Variants in TFB1M observed in about 807,000 individuals in gnomAD.
The protein encoded by TFB1M is dimethyladenosine transferase 1, mitochondrial.
TFB1M carries 27 observed loss-of-function variants against 31.1 expected under a neutral mutation model. That is an observed-to-expected ratio of 0.87 (90% CI 0.64 to 1.20). The LOEUF is 1.20. TFB1M is among the 50% of genes most tolerant of loss of function. The pLI is 0.00. For synonymous variants in TFB1M, 166 were observed against 151.8 expected, an observed-to-expected ratio of 1.09 and a Z score of -0.69; for missense variants, 394 against 418.7, an observed-to-expected ratio of 0.94 and a Z score of 0.51.
chr6:155,301,488 A>G (rs1777427893), intron 2 of TFB1M, among the ~76,000 whole-genome samples: 1 of 152,226 alleles, frequency 6.6e-6, no homozygotes, highest in Non-Finnish European at 1.5e-5. Flanking sequence ...AATCACTATT[A>G]TATGCATTCG....
intron 4 of TFB1M, among the ~76,000 whole-genome samples, chr6:155,286,984 A>C (rs1051360676): frequency 1.3e-5 from 2 of 151,904 alleles, no homozygotes; most frequent in Admixed American, 1.3e-4. Flanking sequence ...AATAGCTAAT[A>C]GAATATATAA....
In TFB1M at chr6:155,311,249, T is replaced by C; in HGVS notation, c.224A>G (p.Asn75Ser). 6.2e-7 allele frequency: 1 copy of C among 1,614,150 alleles called. No homozygotes were observed. The highest frequency in any genetic ancestry group is 8.5e-7 in the Non-Finnish European group (1 of 1,179,976). The change falls in exon 2 of 7, where the codon AAT becomes AGT. Residue 75 changes from asparagine (N) to serine (S), a missense_variant. Coordinates refer to ENST00000367166, the MANE Select transcript of TFB1M (RefSeq NM_016020.4). ...CACCAGAAGTTCAGCGACGTCGGCA[T>C]TAAGAATAGATCTTGTGATTCCCCC... ...GPGGITRSIL[N>S]ADVAELLVVE...
At chr6:155,305,460 T>C (rs1479840708) in intron 2 of TFB1M, among the ~76,000 whole-genome samples, 1 of 27,802 alleles carries the variant, frequency 3.6e-5, no homozygotes, top group Non-Finnish European at 5.2e-5. Context: ...TATATATTTA[T>C]ATATATAAAT....
At chr6:155,258,511 G>A (rs879222815) in intron 6 of TFB1M, among the ~76,000 whole-genome samples, 13 of 150,618 alleles carry the variant, frequency 8.6e-5, no homozygotes, top group Admixed American at 6.0e-4. Context: ...AACTCTTCAC[G>A]CTAAAAGAGT....
chr6:155,279,514 G>T (rs566330356), intron 5 of TFB1M, among the ~76,000 whole-genome samples: 4 of 152,288 alleles, frequency 2.6e-5, no homozygotes, highest in African/African-American at 9.6e-5. Context: ...GGTGCAGGGA[G>T]GGCAGGCCCA....
chr6:155,264,709 A>T (rs1784541173), intron 5 of TFB1M, among the ~76,000 whole-genome samples: 1 of 152,190 alleles, frequency 6.6e-6, no homozygotes, highest in African/African-American at 2.4e-5. Context: ...CTCAGAGCAG[A>T]TGTGGTAGGA....
In TFB1M at chr6:155,278,033, A is replaced by C. The variant is rs1785301554; in HGVS notation, c.666+7125T>G. On this transcript the variant is annotated intron_variant, in intron 5 of 6. Coordinates refer to ENST00000367166, the MANE Select transcript of TFB1M (RefSeq NM_016020.4). ...TCCTAAGTAGAAACACGAATGTTTC[A>C]AACTCTCAGAAAACCAGCCATTTTA... Among the ~76,000 whole-genome samples, 3 of 152,342 alleles carry C rather than the reference A, an allele frequency of 2.0e-5. No individual in the cohort carries two copies. In the South Asian group the frequency reaches 6.2e-4, roughly 32 times the overall value.
intron 2 of TFB1M, among the ~76,000 whole-genome samples, chr6:155,302,256 C>T (rs1045374798): frequency 1.3e-5 from 2 of 152,298 alleles, no homozygotes; most frequent in African/African-American, 2.4e-5. Context: ...TAATTATCTT[C>T]TTCCTGATTT....
In TFB1M at chr6:155,310,208, A is replaced by G. The variant is rs150916264; in HGVS notation, c.285+980T>C. 4.4e-3 allele frequency among the ~76,000 whole-genome samples: 671 copies of G among 152,330 alleles called. 3 individuals carry two copies. Among genetic ancestry groups the G allele is most frequent in the African/African-American group, 0.015 (638 of 41,592 alleles). ...TTTGTATGGAAGTAATAACGTAGAT[A>G]ACTACATTATTCTATTATAGTCACA... On this transcript the variant is annotated intron_variant, in intron 2 of 6. Transcript: ENST00000367166.
downstream of TFB1M, chr6:155,252,856 C>T: frequency 8.4e-7 from 1 of 1,195,652 alleles, no homozygotes; most frequent in Non-Finnish European, 1.2e-6. Context: ...GACTCGCCCA[C>T]AGGGAGAACA....
intron 5 of TFB1M, among the ~76,000 whole-genome samples, chr6:155,266,035 A>G (rs1784619150): frequency 6.6e-6 from 1 of 151,956 alleles, no homozygotes; most frequent in African/African-American, 2.4e-5. Flanking sequence ...AGCTGATTAG[A>G]TGGTGCCCAC....
intron 2 of TFB1M, among the ~76,000 whole-genome samples, chr6:155,301,335 T>C (rs912419125): frequency 1.3e-5 from 2 of 152,224 alleles, no homozygotes; most frequent in African/African-American, 2.4e-5. Flanking sequence ...ACAGACTAAA[T>C]TGATATTATG....
intron 2 of TFB1M, among the ~76,000 whole-genome samples, chr6:155,303,995 G>C (rs1479830570): frequency 6.6e-6 from 1 of 152,162 alleles, no homozygotes; most frequent in Non-Finnish European, 1.5e-5. Flanking sequence ...TGCCAATGAA[G>C]TATGGAAATA....
chr6:155,297,834 T>C (rs952384177), intron 3 of TFB1M, among the ~76,000 whole-genome samples: 9 of 152,188 alleles, frequency 5.9e-5, no homozygotes, highest in Admixed American at 4.6e-4. Context: ...ACCTGAAGAC[T>C]GCATGCTAAG....
At chr6:155,242,136 C>G in the TFB1M span, among the ~76,000 whole-genome samples, 2 of 152,190 alleles carry the variant, frequency 1.3e-5, no homozygotes, top group African/African-American at 4.8e-5. Flanking sequence ...TAGGGCCCCC[C>G]TGGGTTGCAG....
downstream of TFB1M, chr6:155,254,782 T>C (rs1487103845): frequency 8.9e-6 from 5 of 560,282 alleles, no homozygotes; most frequent in Non-Finnish European, 1.6e-5. Context: ...CTTGTCTTCC[T>C]ACCCGCTGAC....
the TFB1M span, among the ~76,000 whole-genome samples, chr6:155,249,402 T>G: frequency 2.0e-5 from 3 of 152,206 alleles, no homozygotes; most frequent in Non-Finnish European, 4.4e-5. Context: ...CCAGTCAGGC[T>G]TGGGTTTGAA....
chr6:155,282,336 T>C (rs1239057529), intron 5 of TFB1M, among the ~76,000 whole-genome samples: 1 of 152,194 alleles, frequency 6.6e-6, no homozygotes, highest in African/African-American at 2.4e-5. Context: ...TCAATGGTAG[T>C]GAAAGTTCTG....
At chr6:155,300,940 G>A (rs1777400626) in intron 2 of TFB1M, among the ~76,000 whole-genome samples, 1 of 152,026 alleles carries the variant, frequency 6.6e-6, no homozygotes, top group Non-Finnish European at 1.5e-5. Context: ...TAAGAGCTGG[G>A]ATTACAGGTG....
Sources: allele counts gnomAD v4.1 joint callset (sites outside exome capture counted in the v4.1 genomes callset), GRCh38; gene constraint gnomAD v4.1.1; transcripts MANE v1.5; gene names NCBI Gene and HGNC (gene_info 2026-07-23, HGNC 2026-07-21).